Variants in MEF2A observed in about 807,000 individuals in gnomAD.
MEF2A encodes myocyte enhancer factor 2A, also known as myocyte-specific enhancer factor 2A.
In MEF2A, 28 loss-of-function variants were observed where a neutral mutation model predicts 55.8. The observed-to-expected ratio is 0.50, with a 90% CI of 0.37 to 0.69. MEF2A has a LOEUF of 0.69. Among genes scored for constraint, MEF2A ranks in the 30% least tolerant of loss-of-function variants. The pLI is 0.00. For missense variants in MEF2A, 528 were observed against 626.2 expected, an observed-to-expected ratio of 0.84 and a Z score of 1.67; for synonymous variants, 239 against 227.1, an observed-to-expected ratio of 1.05 and a Z score of -0.47.
In MEF2A at chr15:99,710,672, G is replaced by A. The variant is rs754602729; in HGVS notation, c.1048G>A (p.Gly350Ser). 8.7e-6 allele frequency: 14 copies of A among 1,613,640 alleles called. No homozygotes were observed. The highest frequency in any genetic ancestry group is 1.3e-5 in the African/African-American group (1 of 74,954). Residue 350 changes from glycine to serine, a missense_variant, in exon 11 of 12, where the codon GGC becomes AGC. Gly to Ser is a moderately conservative substitution (Grantham distance 56). Transcript: ENST00000557942. ...LTSADLSALQGFNSPGMLSLG... is the reference protein window; with the variant it reads ...LTSADLSALQSFNSPGMLSLG... ...CAGCGCTGACCTGTCAGCCCTTCAAGGCTTCAACTCGCCAGGAATGCTGTC... is the reference window on the plus strand; with the variant it reads ...CAGCGCTGACCTGTCAGCCCTTCAAAGCTTCAACTCGCCAGGAATGCTGTC...
chr15:99,699,952 A>ATGTG (rs752346994), intron 8 of MEF2A, among the ~76,000 whole-genome samples: 2,662 of 130,280 alleles, frequency 0.02, 38 homozygotes, highest in East Asian at 0.06. Flanking sequence ...AAGAGTTTAT[A>ATGTG]TGTGTGTGTG....
intron 1 of MEF2A, among the ~76,000 whole-genome samples, chr15:99,576,795 C>T (rs1438425802): frequency 6.6e-6 from 1 of 151,950 alleles, no homozygotes; most frequent in South Asian, 2.1e-4. Flanking sequence ...CGCCTGCCAC[C>T]GCGCCCGGCT....
At position 99,641,640 on chromosome 15, in the gene MEF2A, A is replaced by G. The variant is rs576424671; in HGVS notation, c.55-3921A>G. Among the ~76,000 whole-genome samples the G allele has an allele frequency of 6.6e-3, 998 of 152,134 alleles. 8 individuals carry two copies. The highest frequency in any genetic ancestry group is 0.023 in the African/African-American group (951 of 41,472). ...CGGGAGGCTGAGGCAGGAGAACGGC[A>G]TGAACTCGGGAGGCGGAGCTTGCAG... On this transcript the variant is annotated intron_variant, in intron 3 of 11. Transcript: ENST00000557942.
intron 1 of MEF2A, among the ~76,000 whole-genome samples, chr15:99,575,919 A>G (rs1964119004): frequency 6.6e-6 from 1 of 152,190 alleles, no homozygotes; most frequent in African/African-American, 2.4e-5. Flanking sequence ...ATTAACCCAC[A>G]TTTGGTTAGT....
At chr15:99,609,214 T>A (rs545824919) in intron 2 of MEF2A, among the ~76,000 whole-genome samples, 56 of 152,358 alleles carry the variant, frequency 3.7e-4, no homozygotes, top group Admixed American at 1.2e-3. Context: ...GATTTCTTGC[T>A]CTCTTCTAGT....
chr15:99,659,780 C>T (rs1266071062), intron 4 of MEF2A, among the ~76,000 whole-genome samples: 1 of 152,144 alleles, frequency 6.6e-6, no homozygotes, highest in Non-Finnish European at 1.5e-5. Context: ...CGTTCAGTGG[C>T]AATTTTGACA....
At chr15:99,580,094 A>T (rs1342736534) in intron 1 of MEF2A, among the ~76,000 whole-genome samples, 1 of 152,064 alleles carries the variant, frequency 6.6e-6, no homozygotes, top group Admixed American at 6.5e-5. Flanking sequence ...AATATTTCTG[A>T]TGATCTTTCC....
At chr15:99,579,305 G>T (rs1239730587) in intron 1 of MEF2A, among the ~76,000 whole-genome samples, 1 of 150,728 alleles carries the variant, frequency 6.6e-6, no homozygotes, top group Non-Finnish European at 1.5e-5. Flanking sequence ...TCTGCTTTAG[G>T]GTTTTTTTTT....
At chr15:99,571,138 C>T (rs1051101637) in intron 1 of MEF2A, among the ~76,000 whole-genome samples, 7 of 151,020 alleles carry the variant, frequency 4.6e-5, no homozygotes, top group East Asian at 2.0e-4. Flanking sequence ...GAGCCGAGAT[C>T]GTGCCACTGC....
In MEF2A at chr15:99,640,661, A is replaced by G. The variant is rs542939494; in HGVS notation, c.55-4900A>G. ...AGCCTTGACCTCCTGTGCTCAAGCA[A>G]TCCTCCTGCTTCAGCCTCCAGAGTA... On this transcript the variant is annotated intron_variant, in intron 3 of 11. Coordinates refer to ENST00000557942, the MANE Select transcript of MEF2A (RefSeq NM_001319206.4). 8.6e-5 allele frequency among the ~76,000 whole-genome samples: 13 copies of G among 151,468 alleles called. No homozygotes were observed. The South Asian group carries it at 1.5e-3, about 17-fold the overall frequency.
At chr15:99,620,843 CTTTTTTTTT>C (rs1175032916) in intron 2 of MEF2A, 5 of 132,350 alleles carry the variant, frequency 3.8e-5, no homozygotes, top group African/African-American at 1.4e-4. Context: ...TCACAAACAT[CTTTTTTTTT>C]TTTTTTTTTG....
intron 4 of MEF2A, among the ~76,000 whole-genome samples, chr15:99,668,682 G>A (rs1299588767): frequency 6.6e-6 from 1 of 152,212 alleles, no homozygotes. Flanking sequence ...CATTGAGCAA[G>A]TGTCTTTATT....
intron 4 of MEF2A, among the ~76,000 whole-genome samples, chr15:99,648,092 A>C (rs892246575): frequency 2.0e-5 from 3 of 152,224 alleles, no homozygotes; most frequent in African/African-American, 4.8e-5. Context: ...ACAGGATAAC[A>C]GTAATGAAGT....
At chr15:99,703,253 G>C in intron 8 of MEF2A, 109 bp from the exon 9 acceptor site, 3 of 1,008,594 alleles carry the variant, frequency 3.0e-6, no homozygotes, top group Non-Finnish European at 4.6e-6. Flanking sequence ...TCTCTTTAGA[G>C]TTCCAGACAG....
At chr15:99,636,586 G>C (rs1469880610) in intron 3 of MEF2A, among the ~76,000 whole-genome samples, 2 of 152,132 alleles carry the variant, frequency 1.3e-5, no homozygotes, top group African/African-American at 2.4e-5. Flanking sequence ...TGATCCTCCT[G>C]CCTTGGCTTC....
At chr15:99,701,396 C>T (rs2057374891) in intron 8 of MEF2A, among the ~76,000 whole-genome samples, 1 of 152,054 alleles carries the variant, frequency 6.6e-6, no homozygotes, top group South Asian at 2.1e-4. Context: ...TTGTCAAGGT[C>T]ATGCAAAACA....
intron 2 of MEF2A, 65 bp downstream of exon 2, chr15:99,598,576 G>C (rs1338250764): frequency 6.6e-6 from 1 of 152,034 alleles, no homozygotes; most frequent in African/African-American, 2.4e-5. Context: ...AAATCAGGCT[G>C]TTCTTGTGAG....
chr15:99,573,757 C>G (rs1048950455), intron 1 of MEF2A, among the ~76,000 whole-genome samples: 2 of 152,214 alleles, frequency 1.3e-5, no homozygotes, highest in Non-Finnish European at 2.9e-5. Context: ...ACTTTTGTAG[C>G]CAACATTAGG....
At chr15:99,635,385 T>G (rs1269922000) in intron 3 of MEF2A, among the ~76,000 whole-genome samples, 1 of 152,224 alleles carries the variant, frequency 6.6e-6, no homozygotes, top group Admixed American at 6.5e-5. Flanking sequence ...CTGCTTCACT[T>G]TACTTCCACT....
Sources: gnomAD v4.1 joint callset for allele counts (sites outside exome capture counted in the v4.1 genomes callset) on GRCh38, gnomAD v4.1.1 for gene constraint, MANE v1.5 for transcripts, NCBI Gene and HGNC (gene_info 2026-07-23, HGNC 2026-07-21) for gene names.